Variants in EDN1 observed in about 807,000 individuals in gnomAD.
EDN1 encodes endothelin 1.
EDN1 carries 11 observed loss-of-function variants against 21.7 expected under a neutral mutation model. That is an observed-to-expected ratio of 0.51 (90% CI 0.32 to 0.84). EDN1 has a LOEUF of 0.84. Ranked by LOEUF, EDN1 falls within the 40% of genes least tolerant of loss-of-function variation. The pLI, the probability that EDN1 is intolerant of heterozygous loss-of-function variation, is 0.03. For missense variants in EDN1, 244 were observed against 262.3 expected (o/e 0.93, Z 0.48); for synonymous variants, 85 against 90.6 (o/e 0.94, Z 0.35).
chr6:12,255,908 A>C, the EDN1 span, among the ~76,000 whole-genome samples: 3 of 152,360 alleles, frequency 2.0e-5, no homozygotes, highest in South Asian at 6.2e-4. Context: ...ATATGTTGGA[A>C]TGTCTCACAA....
chr6:12,294,734 G>T (rs1762777171), intron 4 of EDN1, among the ~76,000 whole-genome samples: 1 of 152,120 alleles, frequency 6.6e-6, no homozygotes, highest in African/African-American at 2.4e-5. Context: ...CTGAGTCAAT[G>T]TATTTACCAC....
rs755489890 is a variant in EDN1 at position 12,290,679 on chromosome 6, G to A, written c.50G>A (p.Gly17Glu). The change falls in exon 1 of 5, where the codon GGA (glycine) becomes GAA (glutamate). Residue 17 changes from glycine to glutamate, a missense_variant. Coordinates refer to ENST00000379375, the MANE Select transcript of EDN1 (RefSeq NM_001955.5). ...TCTCTGCTGTTTGTGGCTTGCCAAG[G>A]AGCTCCAGAAACAGGTAGGCACGCT... ...IFSLLFVACQ[G>E]APETAVLGAE... 2.5e-6 allele frequency: 4 copies of A among 1,614,144 alleles called. No individual in the cohort carries two copies. The highest frequency in any genetic ancestry group is 4.5e-5 in the East Asian group (2 of 44,882).
chr6:12,247,265 C>T, the EDN1 span, among the ~76,000 whole-genome samples: 19 of 151,412 alleles, frequency 1.3e-4, no homozygotes, highest in Admixed American at 3.3e-4. Context: ...TAGAAGTTTG[C>T]GCTAAGTGAA....
chr6:12,268,445 T>C, the EDN1 span, among the ~76,000 whole-genome samples: 4 of 152,228 alleles, frequency 2.6e-5, no homozygotes, highest in African/African-American at 9.6e-5. Context: ...ATTTATCTTT[T>C]TAGGTCTTAC....
At chr6:12,255,068 G>A in the EDN1 span, among the ~76,000 whole-genome samples, 6 of 152,100 alleles carry the variant, frequency 3.9e-5, no homozygotes, top group East Asian at 1.9e-4. Flanking sequence ...AAATTGTTCC[G>A]TGGGATAAAA....
At chr6:12,248,005 C>T in the EDN1 span, among the ~76,000 whole-genome samples, 2 of 151,924 alleles carry the variant, frequency 1.3e-5, no homozygotes, top group Admixed American at 6.6e-5. Flanking sequence ...AGGCTGGTGT[C>T]CTTATAAGAA....
chr6:12,278,112 T>C, the EDN1 span, among the ~76,000 whole-genome samples: 1 of 152,250 alleles, frequency 6.6e-6, no homozygotes, highest in South Asian at 2.1e-4. Context: ...TTACTTGCTT[T>C]GAATTATAGC....
the EDN1 span, among the ~76,000 whole-genome samples, chr6:12,256,393 C>T: frequency 6.6e-6 from 1 of 152,066 alleles, no homozygotes; most frequent in East Asian, 1.9e-4. Flanking sequence ...CCCCCCGCCC[C>T]CTAAAACCCA....
the EDN1 span, among the ~76,000 whole-genome samples, chr6:12,234,624 G>A: frequency 1.5e-4 from 23 of 152,130 alleles, no homozygotes; most frequent in Non-Finnish European, 7.3e-5. Context: ...TGACCTCTAA[G>A]GCCAAGACCA....
At chr6:12,282,404 A>C in the EDN1 span, among the ~76,000 whole-genome samples, 2 of 152,242 alleles carry the variant, frequency 1.3e-5, no homozygotes, top group Non-Finnish European at 2.9e-5. Context: ...AAATCGTTTA[A>C]ACAAGCTACT....
At chr6:12,280,323 G>T in the EDN1 span, among the ~76,000 whole-genome samples, 1 of 152,070 alleles carries the variant, frequency 6.6e-6, no homozygotes, top group Non-Finnish European at 1.5e-5. Context: ...AAAACATAAG[G>T]CCTGGAAAGA....
At chr6:12,295,878 C>T in intron 4 of EDN1, 84 bp from the exon 5 acceptor site, 1 of 1,416,350 alleles carries the variant, frequency 7.1e-7, no homozygotes, top group South Asian at 1.2e-5. Flanking sequence ...TTTGTTTGTG[C>T]CAGATTCTAA....
upstream of EDN1, among the ~76,000 whole-genome samples, chr6:12,285,949 C>G (rs1762554293): frequency 6.6e-6 from 1 of 151,992 alleles, no homozygotes; most frequent in Non-Finnish European, 1.5e-5. Flanking sequence ...TTTTTTTAAC[C>G]ATACCAACCA....
upstream of EDN1, among the ~76,000 whole-genome samples, chr6:12,285,853 C>G (rs1762552679): frequency 6.6e-6 from 1 of 152,104 alleles, no homozygotes; most frequent in Non-Finnish European, 1.5e-5. Flanking sequence ...AGCCACCATG[C>G]CCAGCCAAAC....
chr6:12,291,227 C>CA, intron 1 of EDN1, among the ~76,000 whole-genome samples: 1 of 105,514 alleles, frequency 9.5e-6, no homozygotes, highest in Non-Finnish European at 2.2e-5. Context: ...TCCCCCCCCC[C>CA]CCGCCACCAC....
the EDN1 span, among the ~76,000 whole-genome samples, chr6:12,246,671 C>A: frequency 1.4e-5 from 1 of 70,346 alleles, no homozygotes; most frequent in Non-Finnish European, 2.9e-5. Context: ...CTCCCTCGAT[C>A]TTGTTGTTTC....
rs761149345 is a variant in EDN1, at chr6:12,294,055, C to T, written c.348C>T (p.Asp116=). 5.0e-6 allele frequency: 8 copies of T among 1,614,050 alleles called. No individual in the cohort carries two copies. Among genetic ancestry groups the T allele is most frequent in the South Asian group, 4.4e-5 (4 of 91,088 alleles). ...ENRCQCASQK[D]KKCWNFCQAG... is the part of the protein sequence containing the mutation. Reference sequence around the variant, plus strand: ...GATGCCAATGTGCTAGCCAAAAAGACAAGAAGTGCTGGAATTTTTGCCAAG... The same window carrying T: ...GATGCCAATGTGCTAGCCAAAAAGATAAGAAGTGCTGGAATTTTTGCCAAG... Residue 116 remains aspartate, a synonymous_variant, in exon 3 of 5, where the codon GAC becomes GAT. Coordinates refer to ENST00000379375, the MANE Select transcript of EDN1 (RefSeq NM_001955.5).
intron 2 of EDN1, among the ~76,000 whole-genome samples, chr6:12,293,033 G>A (rs1330441787): frequency 6.6e-6 from 1 of 152,226 alleles, no homozygotes; most frequent in Non-Finnish European, 1.5e-5. Flanking sequence ...GATTTCCTTT[G>A]CTGCTATATT....
At chr6:12,254,039 C>G in the EDN1 span, among the ~76,000 whole-genome samples, 1 of 152,092 alleles carries the variant, frequency 6.6e-6, no homozygotes, top group African/African-American at 2.4e-5. Context: ...ATCAAATCTA[C>G]TATCCATGGG....
Sources: gnomAD v4.1 joint callset for allele counts (sites outside exome capture counted in the v4.1 genomes callset) on GRCh38, gnomAD v4.1.1 for gene constraint, MANE v1.5 for transcripts, NCBI Gene and HGNC (gene_info 2026-07-23, HGNC 2026-07-21) for gene names.